Variants in SPATA6 observed in about 807,000 individuals in gnomAD.
SPATA6 encodes the protein spermatogenesis associated 6.
Under a neutral mutation model 65.3 loss-of-function variants are expected in SPATA6, and 56 were observed. That is an observed-to-expected ratio of 0.86 (90% CI 0.69 to 1.07). The LOEUF (loss-of-function observed/expected upper bound fraction) is 1.07, where lower values mean the gene tolerates loss of function less well. Among genes scored for constraint, SPATA6 ranks in the 50% least tolerant of loss-of-function variants. SPATA6 has a pLI of 0.00. For synonymous variants in SPATA6, 199 were observed against 213.2 expected (o/e 0.93, Z 0.58); for missense variants, 590 against 594.8 (o/e 0.99, Z 0.08).
At chr1:48,451,769 T>G (rs1381197054) in intron 2 of SPATA6, among the ~76,000 whole-genome samples, 169 bp from the exon 3 acceptor site, 1 of 152,196 alleles carries the variant, frequency 6.6e-6, no homozygotes, top group East Asian at 1.9e-4. Flanking sequence ...AAATAACCTT[T>G]ATAGCTTGTG....
At chr1:48,290,822 C>T (rs1644762061), downstream of SPATA6, among the ~76,000 whole-genome samples, 1 of 152,118 alleles carries the variant, frequency 6.6e-6, no homozygotes. Flanking sequence ...ATGCACACAA[C>T]ACAGGAACAC....
At chr1:48,349,982 G>C (rs1170787599) in intron 11 of SPATA6, among the ~76,000 whole-genome samples, 1 of 151,802 alleles carries the variant, frequency 6.6e-6, no homozygotes, top group Admixed American at 6.6e-5. Context: ...AAAGACCTAG[G>C]AGTAGGATTG....
chr1:48,390,293 T>C (rs1396059302), intron 8 of SPATA6, among the ~76,000 whole-genome samples: 1 of 152,194 alleles, frequency 6.6e-6, no homozygotes, highest in Non-Finnish European at 1.5e-5. Context: ...TGGGGGGTCA[T>C]TATTTTAAGT....
intron 11 of SPATA6, among the ~76,000 whole-genome samples, chr1:48,319,445 G>A (rs955815032): frequency 3.9e-5 from 6 of 152,078 alleles, no homozygotes; most frequent in Non-Finnish European, 8.8e-5. Context: ...GCTAGTGAGC[G>A]CCTCTGTCAT....
At chr1:48,357,848 A>G (rs898265148) in intron 10 of SPATA6, among the ~76,000 whole-genome samples, 3 of 152,140 alleles carry the variant, frequency 2.0e-5, no homozygotes, top group Admixed American at 6.6e-5. Context: ...TAGCGAAAGT[A>G]AAAAAAGCTT....
chr1:48,404,711 A>G (rs749881808), intron 5 of SPATA6, among the ~76,000 whole-genome samples: 2 of 152,202 alleles, frequency 1.3e-5, no homozygotes, highest in Non-Finnish European at 2.9e-5. Context: ...TTGAAAACAG[A>G]AAAGATAAGT....
intron 9 of SPATA6, among the ~76,000 whole-genome samples, chr1:48,361,052 A>C (rs1464325111): frequency 6.6e-6 from 1 of 152,196 alleles, no homozygotes; most frequent in Middle Eastern, 3.2e-3. Context: ...TAATCATTCA[A>C]TATATTACAG....
chr1:48,427,419 T>C (rs969828710), intron 3 of SPATA6, among the ~76,000 whole-genome samples: 1 of 145,968 alleles, frequency 6.9e-6, no homozygotes, highest in African/African-American at 2.5e-5. Flanking sequence ...TAGTTCCTAA[T>C]TAAGAAAATT....
At chr1:48,315,951 A>G (rs982478890) in intron 11 of SPATA6, among the ~76,000 whole-genome samples, 2 of 151,892 alleles carry the variant, frequency 1.3e-5, no homozygotes, top group Non-Finnish European at 2.9e-5. Context: ...TTCAAAGAGA[A>G]TAAAATACTT....
chr1:48,444,607 G>C (rs987333109), intron 3 of SPATA6, among the ~76,000 whole-genome samples: 1 of 152,210 alleles, frequency 6.6e-6, no homozygotes, highest in African/African-American at 2.4e-5. Flanking sequence ...GGACCAAACA[G>C]AAGGACATAG....
the SPATA6 span, among the ~76,000 whole-genome samples, chr1:48,283,592 T>C: frequency 7.0e-6 from 1 of 143,540 alleles, no homozygotes; most frequent in East Asian, 2.1e-4. Flanking sequence ...GGCAGGAGAA[T>C]GGCTTGAACC....
At position 48,316,863 on chromosome 1, in the gene SPATA6, GCA is replaced by G. The variant is rs1645442133; in HGVS notation, c.1195-10987_1195-10986del. ...AAAAAACAACCCCATCAAAAAGTGT[GCA>G]AAGGATATGAACAGACACTTCTCAA... On this transcript the variant is annotated intron_variant, in intron 11 of 12. Coordinates refer to ENST00000371847, the MANE Select transcript of SPATA6 (RefSeq NM_019073.4). Among the ~76,000 whole-genome samples, 5 of 152,304 alleles carry G rather than the reference GCA, an allele frequency of 3.3e-5. No homozygotes were observed. In the South Asian group the frequency reaches 1.0e-3, roughly 32 times the overall value.
the SPATA6 span, chr1:48,262,639 G>A: frequency 1.3e-5 from 2 of 152,052 alleles, no homozygotes; most frequent in Non-Finnish European, 2.9e-5. Flanking sequence ...ATGAAGAAAT[G>A]TACATGTATT....
chr1:48,368,833 G>C (rs1002694289), intron 9 of SPATA6, among the ~76,000 whole-genome samples: 2 of 152,150 alleles, frequency 1.3e-5, no homozygotes, highest in Non-Finnish European at 2.9e-5. Flanking sequence ...TTCCACTGCT[G>C]GTGAGGAACT....
intron 5 of SPATA6, among the ~76,000 whole-genome samples, chr1:48,409,008 TC>T (rs137963399): frequency 0.015 from 2,244 of 152,244 alleles, 46 homozygotes; most frequent in African/African-American, 0.05. Flanking sequence ...TCAAAACCAA[TC>T]ATGCCTTCCC....
intron 9 of SPATA6, among the ~76,000 whole-genome samples, chr1:48,366,673 G>T (rs1647026410): frequency 6.6e-6 from 1 of 152,070 alleles, no homozygotes; most frequent in African/African-American, 2.4e-5. Flanking sequence ...GCATCTATCT[G>T]ATTCTTCTCT....
intron 9 of SPATA6, among the ~76,000 whole-genome samples, chr1:48,380,361 A>C (rs1048385229): frequency 2.0e-5 from 3 of 152,230 alleles, no homozygotes; most frequent in African/African-American, 4.8e-5. Context: ...TAATCCTGTG[A>C]ACTTACCACC....
intron 9 of SPATA6, among the ~76,000 whole-genome samples, chr1:48,361,942 T>C (rs1016218373): frequency 6.6e-6 from 1 of 152,130 alleles, no homozygotes; most frequent in Non-Finnish European, 1.5e-5. Flanking sequence ...ATGACACAGT[T>C]ACAGTCCCCA....
In SPATA6 at chr1:48,298,836, G is replaced by A. The variant is rs775466906; in HGVS notation, c.1344C>T (p.Asn448=). Residue 448 remains asparagine (N), a synonymous_variant, in exon 13 of 13, where the codon AAC becomes AAT. Coordinates refer to ENST00000371847, the MANE Select transcript of SPATA6 (RefSeq NM_019073.4). ...FHLDDGEYWS[N]RAASYKGKSH... ...ATTTTCCCTTATAAGAGGCTGCCCT[G>A]TTGGACCAGTATTCACCGTCATCCA... 3.1e-6 allele frequency: 5 copies of A among 1,614,044 alleles called. No individual in the cohort carries two copies. In the East Asian group the frequency reaches 8.9e-5, roughly 29 times the overall value.
Sources: gnomAD v4.1 joint callset for allele counts (sites outside exome capture counted in the v4.1 genomes callset) on GRCh38, gnomAD v4.1.1 for gene constraint, MANE v1.5 for transcripts, NCBI Gene and HGNC (gene_info 2026-07-23, HGNC 2026-07-21) for gene names.